HS6ST2: variants seen among roughly 807,000 people sequenced by gnomAD.
HS6ST2 encodes heparan sulfate 6-O-sulfotransferase 2, also known as heparan-sulfate 6-O-sulfotransferase 2.
Under a neutral mutation model 33.0 loss-of-function variants are expected in HS6ST2, and 17 were observed. That is an observed-to-expected ratio of 0.52 (90% CI 0.35 to 0.77). The LOEUF (loss-of-function observed/expected upper bound fraction) is 0.77. HS6ST2 is among the 30% of genes least tolerant of loss of function. The probability of loss-of-function intolerance (pLI) is 0.01; values close to 1 mark genes in which losing one functional copy is unlikely to be tolerated. For missense variants in HS6ST2, 519 were observed against 551.7 expected (o/e 0.94, Z 0.59); for synonymous variants, 248 against 237.1 (o/e 1.05, Z -0.42).
chrX:132,915,168 A>G (rs961719153), intron 2 of HS6ST2, among the ~76,000 whole-genome samples: 3 of 112,106 alleles, frequency 2.7e-5, no homozygotes, highest in African/African-American at 9.7e-5. Flanking sequence ...AAGCACTGCC[A>G]TCGGCCATTA....
At chrX:132,882,271 T>C (rs1206535901) in intron 2 of HS6ST2, among the ~76,000 whole-genome samples, 1 of 111,817 alleles carries the variant, frequency 8.9e-6, no homozygotes. Flanking sequence ...AGAATGCTCT[T>C]CCATTTGTTT....
At chrX:132,871,626 G>T (rs751585443) in intron 2 of HS6ST2, among the ~76,000 whole-genome samples, 2 of 111,432 alleles carry the variant, frequency 1.8e-5, no homozygotes, top group South Asian at 3.9e-4. Context: ...CATGTTCTTT[G>T]CAGGGACATG....
intron 3 of HS6ST2, among the ~76,000 whole-genome samples, chrX:132,689,971 C>A (rs1157760138): frequency 9.0e-6 from 1 of 111,042 alleles, no homozygotes; most frequent in Non-Finnish European, 1.9e-5. Context: ...TCCAATGTGA[C>A]CCAGGGAAAC....
At chrX:132,881,999 C>G (rs1158333907) in intron 2 of HS6ST2, among the ~76,000 whole-genome samples, 1 of 111,429 alleles carries the variant, frequency 9.0e-6, no homozygotes, top group African/African-American at 3.3e-5. Flanking sequence ...TGTTTTGGTA[C>G]CAGTACCATG....
intron 2 of HS6ST2, among the ~76,000 whole-genome samples, chrX:132,896,344 AC>A (rs1486052843): frequency 3.7e-5 from 4 of 109,570 alleles, no homozygotes; most frequent in African/African-American, 1.3e-4. Context: ...GGTGGTGAAC[AC>A]CTGTAGTCCC....
Position 132,847,599 on chromosome X carries a change from G to A in HS6ST2, c.947+109209C>T, listed in dbSNP as rs1042386031. 4.5e-5 allele frequency among the ~76,000 whole-genome samples: 5 copies of A among 111,541 alleles called. 1 individual carries two copies. The highest frequency in any genetic ancestry group is 1.9e-4 in the Admixed American group (2 of 10,482). On this transcript the variant is annotated intron_variant, in intron 2 of 4. Coordinates refer to ENST00000370833, the MANE Select transcript of HS6ST2 (RefSeq NM_001394073.1). ...CTGAATCAAAGTTAAGTATAAAGAC[G>A]GAGATCATCAACACTAGTGAGACCA...
rs182933761 is a variant in HS6ST2 at position 132,667,064 on chromosome X, G to A, written c.1067+2049C>T. ...CCATAGGCACTGTTCTATAAAGTGTGAAAAATGCCCTTCATAGTCTCACCA... is the reference window on the plus strand; with the variant it reads ...CCATAGGCACTGTTCTATAAAGTGTAAAAAATGCCCTTCATAGTCTCACCA... On this transcript the variant is annotated intron_variant, in intron 4 of 4. Coordinates refer to ENST00000370833, the MANE Select transcript of HS6ST2 (RefSeq NM_001394073.1). 5.4e-3 allele frequency among the ~76,000 whole-genome samples: 596 copies of A among 111,395 alleles called. 8 individuals carry two copies. The highest frequency in any genetic ancestry group is 0.018 in the African/African-American group (555 of 30,633).
chrX:132,903,738 A>G (rs1394244849), intron 2 of HS6ST2, among the ~76,000 whole-genome samples: 1 of 112,362 alleles, frequency 8.9e-6, no homozygotes, highest in Non-Finnish European at 1.9e-5. Context: ...ATTATTTTGC[A>G]GCATAAAAAC....
chrX:132,920,014 C>A (rs1009605845), intron 2 of HS6ST2, among the ~76,000 whole-genome samples: 1 of 111,697 alleles, frequency 9.0e-6, no homozygotes, highest in Non-Finnish European at 1.9e-5. Flanking sequence ...GGGAAGAAAA[C>A]AAATTCTACC....
intron 2 of HS6ST2, among the ~76,000 whole-genome samples, chrX:132,831,667 AG>A (rs1227950307): frequency 8.9e-6 from 1 of 111,981 alleles, no homozygotes; most frequent in African/African-American, 3.3e-5. Context: ...GTCCTTTTCC[AG>A]GGGAGAAACA....
chrX:132,884,920 C>T lies in HS6ST2; in HGVS notation c.947+71888G>A, dbSNP rs184179708. ...AATAAAATTTAAGAATTCTTCATGG[C>T]GTAGAAGGTAATTCTTCAACAATGA... On this transcript the variant is annotated intron_variant, in intron 2 of 4. Transcript: ENST00000370833. Among the ~76,000 whole-genome samples, 524 of 111,172 alleles carry T rather than the reference C, an allele frequency of 4.7e-3. 2 individuals carry two copies. Among genetic ancestry groups the T allele is most frequent in the African/African-American group, 0.016 (486 of 30,650 alleles).
chrX:132,673,710 AACAG>A (rs1175901951), intron 3 of HS6ST2, among the ~76,000 whole-genome samples: 8 of 110,738 alleles, frequency 7.2e-5, no homozygotes, highest in African/African-American at 2.6e-4. Flanking sequence ...ATGCACTTAA[AACAG>A]ACTCTCCCAG....
intron 2 of HS6ST2, among the ~76,000 whole-genome samples, chrX:132,868,573 A>AAAC (rs1170220027): frequency 2.7e-5 from 3 of 112,248 alleles, no homozygotes; most frequent in African/African-American, 9.7e-5. Flanking sequence ...AAATCATAAC[A>AAAC]AACAGTCTCT....
intron 2 of HS6ST2, among the ~76,000 whole-genome samples, chrX:132,787,144 A>AGT (rs1175604271): frequency 6.3e-5 from 5 of 79,502 alleles, no homozygotes; most frequent in African/African-American, 1.0e-4. Context: ...TATACTCCAA[A>AGT]GTGTGTGTGT....
At chrX:132,806,489 T>C (rs1422730220) in intron 2 of HS6ST2, among the ~76,000 whole-genome samples, 1 of 110,294 alleles carries the variant, frequency 9.1e-6, no homozygotes, top group Non-Finnish European at 1.9e-5. Context: ...ATCACAGTGA[T>C]GTTCCAGAGA....
chrX:132,668,962 G>A (rs1015877167), intron 4 of HS6ST2, 151 bp downstream of exon 4: 2 of 426,799 alleles, frequency 4.7e-6, no homozygotes, highest in East Asian at 4.0e-5. Context: ...TGCCTTGCTC[G>A]TTTCAATTCC....
chrX:132,656,177 T>A (rs2063728697), intron 4 of HS6ST2, among the ~76,000 whole-genome samples: 1 of 111,759 alleles, frequency 8.9e-6, no homozygotes. Flanking sequence ...CACCTGTCAG[T>A]CTGGTCCCTT....
intron 2 of HS6ST2, among the ~76,000 whole-genome samples, chrX:132,853,916 G>A (rs946345632): frequency 1.8e-5 from 2 of 110,519 alleles, no homozygotes; most frequent in African/African-American, 6.6e-5. Context: ...GAAACTACTC[G>A]GGAGGCTGAG....
chrX:132,678,603 T>C (rs932533147), intron 3 of HS6ST2, among the ~76,000 whole-genome samples: 2 of 112,695 alleles, frequency 1.8e-5, no homozygotes, highest in Non-Finnish European at 3.7e-5. Flanking sequence ...ATCATACCTT[T>C]GTTTGAATGC....
Sources: allele counts gnomAD v4.1 joint callset (sites outside exome capture counted in the v4.1 genomes callset), GRCh38; gene constraint gnomAD v4.1.1; transcripts MANE v1.5; gene names NCBI Gene and HGNC (gene_info 2026-07-23, HGNC 2026-07-21).